NR5A2: variants seen among roughly 807,000 people sequenced by gnomAD.
NR5A2 encodes CYP7A promoter-binding factor.
In NR5A2, 26 loss-of-function variants were observed where a neutral mutation model predicts 62.7. The ratio of observed to expected loss-of-function variants is 0.41; its 90% CI spans 0.30 to 0.58. The LOEUF is 0.58. Ranked by LOEUF, NR5A2 falls within the 20% of genes least tolerant of loss-of-function variation. NR5A2 has a pLI of 0.22. For synonymous variants in NR5A2, 246 were observed against 241.7 expected, an observed-to-expected ratio of 1.02 and a Z score of -0.16; for missense variants, 541 against 669.1, an observed-to-expected ratio of 0.81 and a Z score of 2.11.
chr1:200,069,999 TA>T (rs1037287019), intron 5 of NR5A2, among the ~76,000 whole-genome samples: 5 of 152,128 alleles, frequency 3.3e-5, no homozygotes, highest in African/African-American at 4.8e-5. Context: ...TTTGGAAGGC[TA>T]AGGGAAAGTT....
At chr1:200,136,495 C>G (rs151080063) in intron 7 of NR5A2, among the ~76,000 whole-genome samples, 3 of 152,180 alleles carry the variant, frequency 2.0e-5, no homozygotes, top group Admixed American at 6.5e-5. Flanking sequence ...CATAAGCAAG[C>G]CTTCGATGAA....
chr1:200,114,924 C>T, intron 6 of NR5A2, among the ~76,000 whole-genome samples: 1 of 152,222 alleles, frequency 6.6e-6, no homozygotes, highest in East Asian at 1.9e-4. Context: ...AGCTTGCCTT[C>T]ACGCCGGCAT....
intron 5 of NR5A2, among the ~76,000 whole-genome samples, chr1:200,110,918 T>A (rs1466562939): frequency 1.3e-5 from 2 of 152,180 alleles, no homozygotes; most frequent in Admixed American, 6.5e-5. Flanking sequence ...TAATGTTAGG[T>A]AGACCAGTTT....
In NR5A2 at chr1:200,039,356, G is replaced by A. The variant is rs527335373; in HGVS notation, c.65-302G>A. On this transcript the variant is annotated intron_variant, in intron 1 of 7. Coordinates refer to ENST00000367362, the MANE Select transcript of NR5A2 (RefSeq NM_205860.3). The surrounding 1 kb of genome is among the most constrained non-coding windows in gnomAD (Gnocchi z 5.1). The stretch of plus-strand genomic sequence containing the variant: ...CTCCGCTGCCCGCCGGGAGCTCGGC[G>A]GTTCACGGCTCCGCGCCCCGGGCAG... Among the ~76,000 whole-genome samples, 4 of 150,744 alleles carry A rather than the reference G, an allele frequency of 2.7e-5. No homozygotes were observed. The highest frequency in any genetic ancestry group is 2.6e-4 in the Admixed American group (4 of 15,188).
intron 6 of NR5A2, among the ~76,000 whole-genome samples, chr1:200,117,225 C>T (rs1020094342): frequency 6.6e-6 from 1 of 152,122 alleles, no homozygotes; most frequent in Non-Finnish European, 1.5e-5. Flanking sequence ...CTGAAATGAG[C>T]ACAAACTCTG....
chr1:200,100,900 C>T (rs1487439295), intron 5 of NR5A2, among the ~76,000 whole-genome samples: 1 of 152,192 alleles, frequency 6.6e-6, no homozygotes, highest in Non-Finnish European at 1.5e-5. Context: ...CAAATTGTGG[C>T]TCATTTCCAA....
intron 7 of NR5A2, among the ~76,000 whole-genome samples, chr1:200,143,390 T>G (rs949906292): frequency 1.6e-4 from 24 of 152,204 alleles, no homozygotes; most frequent in Non-Finnish European, 1.5e-5. Context: ...GCTTACCAAA[T>G]CTATAGCTTG....
intron 5 of NR5A2, among the ~76,000 whole-genome samples, chr1:200,088,720 A>T (rs1571452875): frequency 6.6e-6 from 1 of 151,612 alleles, no homozygotes; most frequent in Admixed American, 6.6e-5. Context: ...CCTTTTCTCC[A>T]CCTCTTCTTT....
intron 5 of NR5A2, chr1:200,057,773 G>T (rs564533504): frequency 5.2e-6 from 1 of 194,008 alleles, no homozygotes; most frequent in Non-Finnish European, 1.1e-5. Context: ...GAGCCACTGC[G>T]CCTGGCCGTA....
At chr1:200,111,918 C>CTAGT (rs1457713463) in intron 6 of NR5A2, among the ~76,000 whole-genome samples, 1 of 152,110 alleles carries the variant, frequency 6.6e-6, no homozygotes, top group African/African-American at 2.4e-5. Flanking sequence ...CTACTCTGTG[C>CTAGT]TAGTTACTTT....
chr1:200,141,811 T>C (rs1667452484), intron 7 of NR5A2, among the ~76,000 whole-genome samples: 1 of 152,240 alleles, frequency 6.6e-6, no homozygotes, highest in Non-Finnish European at 1.5e-5. Context: ...TATAGTCTCT[T>C]AACACTTGGG....
At chr1:200,157,894 A>T (rs897299881) in intron 7 of NR5A2, among the ~76,000 whole-genome samples, 4 of 152,206 alleles carry the variant, frequency 2.6e-5, no homozygotes, top group Non-Finnish European at 5.9e-5. Context: ...AAGGGAAATG[A>T]TGTAATAATA....
At chr1:200,144,086 C>G (rs771073864) in intron 7 of NR5A2, among the ~76,000 whole-genome samples, 3 of 152,030 alleles carry the variant, frequency 2.0e-5, no homozygotes, top group Non-Finnish European at 4.4e-5. Flanking sequence ...AAGAGTGCAC[C>G]AAAATGAGAA....
chr1:200,052,922 G>A (rs912155692), intron 5 of NR5A2, among the ~76,000 whole-genome samples: 8 of 152,112 alleles, frequency 5.3e-5, no homozygotes, highest in Non-Finnish European at 7.4e-5. Flanking sequence ...TTATAGGCAT[G>A]AGCCACCGCA....
chr1:200,080,967 A>G (rs1664266260), intron 5 of NR5A2, among the ~76,000 whole-genome samples: 1 of 152,190 alleles, frequency 6.6e-6, no homozygotes, highest in Non-Finnish European at 1.5e-5. Context: ...TTCCTCTGGA[A>G]TATTGCAAAG....
chr1:200,056,999 A>G (rs965670584), intron 5 of NR5A2, among the ~76,000 whole-genome samples: 3 of 152,240 alleles, frequency 2.0e-5, no homozygotes, highest in Middle Eastern at 3.2e-3. Flanking sequence ...CTCGGCAGCC[A>G]AGAGCAAGCC....
chr1:200,101,745 C>G (rs1016653169), intron 5 of NR5A2, among the ~76,000 whole-genome samples: 3 of 152,098 alleles, frequency 2.0e-5, no homozygotes, highest in Admixed American at 2.0e-4. Flanking sequence ...AAAAGTCTAC[C>G]AGGACTGCGG....
intron 7 of NR5A2, among the ~76,000 whole-genome samples, chr1:200,152,838 G>A (rs1653192364): frequency 6.6e-6 from 1 of 152,066 alleles, no homozygotes; most frequent in Non-Finnish European, 1.5e-5. Flanking sequence ...AGAGTTTAAT[G>A]CTCCAAAAGG....
intron 5 of NR5A2, among the ~76,000 whole-genome samples, chr1:200,099,614 G>A (rs957197346): frequency 1.3e-5 from 2 of 151,934 alleles, no homozygotes; most frequent in Non-Finnish European, 2.9e-5. Flanking sequence ...TATTTTTTGA[G>A]ATGGAATCTT....
Sources: allele counts gnomAD v4.1 joint callset (sites outside exome capture counted in the v4.1 genomes callset), GRCh38; gene constraint gnomAD v4.1.1; non-coding constraint Gnocchi (gnomAD v3.1); transcripts MANE v1.5; gene names NCBI Gene and HGNC (gene_info 2026-07-23, HGNC 2026-07-21).